The following ASH1L variants were observed in gnomAD, a reference collection of about 807,000 sequenced individuals.
The protein encoded by ASH1L is histone-lysine N-methyltransferase ASH1L.
In ASH1L, 23 loss-of-function variants were observed where a neutral mutation model predicts 269.0. The observed-to-expected ratio is 0.09, with a 90% CI of 0.06 to 0.12. The LOEUF is 0.12. Ranked by LOEUF, ASH1L falls within the 10% of genes least tolerant of loss-of-function variation. The pLI is 1.00. For synonymous variants in ASH1L, 1,187 were observed against 1,253.5 expected (o/e 0.95, Z 1.12); for missense variants, 2,912 against 3,567.8 (o/e 0.82, Z 4.68).
intron 2 of ASH1L, among the ~76,000 whole-genome samples, chr1:155,493,150 GT>G (rs1052219174): frequency 1.3e-5 from 2 of 151,938 alleles, no homozygotes; most frequent in Admixed American, 6.6e-5. Flanking sequence ...AATTCAGTGG[GT>G]TTTTTTTAAC....
Position 155,459,902 on chromosome 1 carries a change from G to C in ASH1L, c.4985-4C>G. 6.4e-7 allele frequency: 1 copy of C among 1,570,974 alleles called. No individual in the cohort carries two copies. Among genetic ancestry groups the C allele is most frequent in the Non-Finnish European group, 8.6e-7 (1 of 1,161,428 alleles). ...TTATCAGAGGTTGGCTGGGAGCCTG[G>C]AGAAAGAGAAAAAGATAGAAATCAT... On this transcript the variant is annotated splice_region_variant and splice_polypyrimidine_tract_variant and intron_variant, in intron 3 of 27. Coordinates refer to ENST00000392403, the MANE Select transcript of ASH1L (RefSeq NM_018489.3).
At chr1:155,376,951 A>G (rs71517782) in intron 10 of ASH1L, among the ~76,000 whole-genome samples, 39,341 of 150,452 alleles carry the variant, frequency 0.26, 5,874 homozygotes, top group East Asian at 0.72. Flanking sequence ...CTTGTTGCCC[A>G]GGCTGGAGTG....
chr1:155,454,323 T>C (rs1663717425), intron 4 of ASH1L, among the ~76,000 whole-genome samples: 2 of 152,206 alleles, frequency 1.3e-5, no homozygotes, highest in African/African-American at 4.8e-5. Flanking sequence ...AGTACATAGT[T>C]TTCCCATTAC....
At chr1:155,560,177 G>A (rs1316294360) in intron 1 of ASH1L, among the ~76,000 whole-genome samples, 2 of 151,996 alleles carry the variant, frequency 1.3e-5, no homozygotes, top group Non-Finnish European at 1.5e-5. Context: ...AATATAAATT[G>A]GCTCTATTTT....
At chr1:155,550,566 T>A (rs1235394055) in intron 1 of ASH1L, among the ~76,000 whole-genome samples, 1 of 152,156 alleles carries the variant, frequency 6.6e-6, no homozygotes, top group Non-Finnish European at 1.5e-5. Flanking sequence ...TCTCAGGGCT[T>A]ATGCTCATGC....
intron 5 of ASH1L, among the ~76,000 whole-genome samples, chr1:155,425,370 T>G (rs1411306079): frequency 6.7e-6 from 1 of 149,970 alleles, no homozygotes; most frequent in African/African-American, 2.5e-5. Flanking sequence ...TTCTGCCTCC[T>G]GGGTTCAAGT....
Position 155,438,784 on chromosome 1 carries a change from A to G in ASH1L, c.5371T>C (p.Ser1791Pro), listed in dbSNP as rs1203988797. ...ACACTTCTCTTGATATGATGGGGGG[A>G]ACAGCTGCTTGTCAACTTTTCAGAT... ...LLSEKLTSSC[S>P]PHHIKRSVVE... Residue 1791 changes from serine to proline, a missense_variant, in exon 5 of 28, where the codon TCC becomes CCC. Ser to Pro is a moderately conservative substitution (Grantham distance 74). Around this residue, in one of 13 missense-constraint regions of ASH1L, gnomAD observed 789 missense variants for 897.6 expected, o/e 0.88. Coordinates refer to ENST00000392403, the MANE Select transcript of ASH1L (RefSeq NM_018489.3). 1.9e-6 allele frequency: 3 copies of G among 1,613,936 alleles called. No individual in the cohort carries two copies. Among genetic ancestry groups the G allele is most frequent in the East Asian group, 2.2e-5 (1 of 44,882 alleles).
intron 3 of ASH1L, among the ~76,000 whole-genome samples, chr1:155,463,083 C>T (rs1664422356): frequency 6.6e-6 from 1 of 152,194 alleles, no homozygotes; most frequent in Admixed American, 6.5e-5. Flanking sequence ...CTGCAAACAT[C>T]TGTAACATTG....
At chr1:155,346,964 A>G (rs1653397514) in intron 20 of ASH1L, among the ~76,000 whole-genome samples, 1 of 152,230 alleles carries the variant, frequency 6.6e-6, no homozygotes, top group African/African-American at 2.4e-5. Context: ...CCCTACATGT[A>G]TTAACATATT....
chr1:155,529,902 T>G (rs1669538572), intron 1 of ASH1L, among the ~76,000 whole-genome samples: 1 of 151,784 alleles, frequency 6.6e-6, no homozygotes, highest in Non-Finnish European at 1.5e-5. Context: ...TGGTGGAGAT[T>G]GCAGTGAGCC....
rs370782280 is a variant in ASH1L at position 155,389,400 on chromosome 1, C to T, written c.6103+6059G>A. ...AAGACTTTAAAAAAGAGGCTAGGCG[C>T]GGTGGCTCATGCCTGTAATCCCAGC... On this transcript the variant is annotated intron_variant, in intron 7 of 27. Coordinates refer to ENST00000392403, the MANE Select transcript of ASH1L (RefSeq NM_018489.3). 2.4e-4 allele frequency among the ~76,000 whole-genome samples: 37 copies of T among 151,952 alleles called. No homozygotes were observed. The East Asian group carries it at 4.1e-3, about 17-fold the overall frequency.
Position 155,478,064 on chromosome 1 carries a change from T to C in ASH1L, c.4806A>G (p.Glu1602=). Residue 1602 remains glutamate (E), a synonymous_variant, in exon 3 of 28, where the codon GAA becomes GAG. Coordinates refer to ENST00000392403, the MANE Select transcript of ASH1L (RefSeq NM_018489.3). This position sits in a 1 kb window ranked among gnomAD's most constrained non-coding sequence, Gnocchi z 4.6. ...TTGCACTTGTGAAAAGGTTTGTATGTTCATCACTGCTGGCTGGCTCAGAGT... is the reference window on the plus strand; with the variant it reads ...TTGCACTTGTGAAAAGGTTTGTATGCTCATCACTGCTGGCTGGCTCAGAGT... ...TPNSEPASSD[E]HTNLFTSAIG... is the part of the protein sequence containing the mutation. The C allele has an allele frequency of 1.2e-6, 2 of 1,614,214 alleles. No homozygotes were observed. The highest frequency in any genetic ancestry group is 1.7e-6 in the Non-Finnish European group (2 of 1,180,038).
In ASH1L at chr1:155,348,894, A is replaced by AT. The variant is rs1266558607; in HGVS notation, c.7554+432_7554+433insA. Reference sequence around the variant, plus strand: ...AGATTCTGTCTCATTTAAAAAAAAAAAAAAAATATATATATATACACACAC... The same window carrying AT: ...AGATTCTGTCTCATTTAAAAAAAAAATAAAAAATATATATATATACACACAC... On this transcript the variant is annotated intron_variant, in intron 19 of 27. Coordinates refer to ENST00000392403, the MANE Select transcript of ASH1L (RefSeq NM_018489.3). Among the ~76,000 whole-genome samples, 127 of 46,858 alleles carry AT rather than the reference A, an allele frequency of 2.7e-3. 2 individuals are homozygous for AT. The highest frequency in any genetic ancestry group is 5.1e-3 in the Admixed American group (14 of 2,736). The allele number at this position is 46,858 out of a possible 152,430, so 30.7% of individuals were successfully genotyped here.
At chr1:155,476,671 C>A (rs1665577077) in intron 3 of ASH1L, among the ~76,000 whole-genome samples, 1 of 151,628 alleles carries the variant, frequency 6.6e-6, no homozygotes, top group African/African-American at 2.4e-5. Context: ...CCTGCCTCAG[C>A]CTCCCGAGTA....
At chr1:155,498,009 C>T (rs1314829253) in intron 2 of ASH1L, among the ~76,000 whole-genome samples, 7 of 152,142 alleles carry the variant, frequency 4.6e-5, no homozygotes, top group African/African-American at 1.4e-4. Context: ...GCCTCGGCCT[C>T]CCAAAGTGCT....
chr1:155,357,219 G>T (rs1654496422), intron 15 of ASH1L, 97 bp downstream of exon 15: 2 of 713,700 alleles, frequency 2.8e-6, no homozygotes, highest in Admixed American at 3.2e-5. Context: ...TAAGACAAAA[G>T]AAAGTGGATC....
chr1:155,514,252 A>C (rs759138060), intron 2 of ASH1L, among the ~76,000 whole-genome samples: 2 of 152,224 alleles, frequency 1.3e-5, no homozygotes, highest in Non-Finnish European at 2.9e-5. Context: ...AATGCCACAA[A>C]ATTATACACT....
intron 1 of ASH1L, among the ~76,000 whole-genome samples, chr1:155,554,366 G>A (rs1184959677): frequency 4.0e-5 from 6 of 151,278 alleles, no homozygotes; most frequent in East Asian, 3.9e-4. Flanking sequence ...TCTGCCTCTC[G>A]GGTTCAAGCG....
At chr1:155,461,591 T>C (rs72993454) in intron 3 of ASH1L, among the ~76,000 whole-genome samples, 275 of 152,150 alleles carry the variant, frequency 1.8e-3, no homozygotes, top group African/African-American at 6.4e-3. Flanking sequence ...AATGTCGCAA[T>C]GAAACATCTA....
Sources: gnomAD v4.1 joint callset for allele counts (sites outside exome capture counted in the v4.1 genomes callset) on GRCh38, gnomAD v4.1.1 for gene constraint, gnomAD v4.1.1 regional missense constraint, Gnocchi (gnomAD v3.1) non-coding constraint, MANE v1.5 for transcripts, NCBI Gene and HGNC (gene_info 2026-07-23, HGNC 2026-07-21) for gene names.